Variants in RBFOX1 observed in about 807,000 individuals in gnomAD.
RBFOX1 encodes the protein RNA binding fox-1 homolog 1.
In RBFOX1, 8 loss-of-function variants were observed where a neutral mutation model predicts 57.7. The ratio of observed to expected loss-of-function variants is 0.14; its 90% CI spans 0.08 to 0.25. The LOEUF is 0.25. Ranked by LOEUF, RBFOX1 falls within the 10% of genes least tolerant of loss-of-function variation. The pLI, the probability that RBFOX1 is intolerant of heterozygous loss-of-function variation, is 1.00. For missense variants in RBFOX1, 611 were observed against 548.5 expected (o/e 1.11, Z -1.14); for synonymous variants, 326 against 222.4 (o/e 1.47, Z -4.15).
At chr16:5,492,170 C>G (rs932122345) in intron 2 of RBFOX1, among the ~76,000 whole-genome samples, 1 of 152,166 alleles carries the variant, frequency 6.6e-6, no homozygotes, top group East Asian at 1.9e-4. Flanking sequence ...GGTGCATGCT[C>G]AAAGTATAAG....
At chr16:6,653,194 C>G (rs907348895) in intron 2 of RBFOX1, among the ~76,000 whole-genome samples, 2 of 152,128 alleles carry the variant, frequency 1.3e-5, no homozygotes, top group Non-Finnish European at 2.9e-5. Context: ...TCAAAAAAAT[C>G]AACATCAACA....
intron 3 of RBFOX1, among the ~76,000 whole-genome samples, chr16:5,607,705 C>T (rs1180536113): frequency 3.9e-5 from 6 of 152,252 alleles, no homozygotes; most frequent in Middle Eastern, 3.4e-3. Context: ...TTCTCTCTGT[C>T]GACACTACCT....
chr16:6,960,379 T>C (rs951846889), intron 3 of RBFOX1, among the ~76,000 whole-genome samples: 5 of 152,128 alleles, frequency 3.3e-5, no homozygotes, highest in African/African-American at 9.7e-5. Flanking sequence ...TGGAAAACTT[T>C]CTAATTTTAA....
intron 3 of RBFOX1, among the ~76,000 whole-genome samples, chr16:6,990,031 C>G (rs962149268): frequency 3.3e-5 from 5 of 152,084 alleles, no homozygotes; most frequent in African/African-American, 4.8e-5. Flanking sequence ...TGTCTGCAAA[C>G]TACTTGAAAT....
At chr16:5,343,942 G>A (rs1056953897) in intron 1 of RBFOX1, among the ~76,000 whole-genome samples, 3 of 152,174 alleles carry the variant, frequency 2.0e-5, no homozygotes, top group Non-Finnish European at 4.4e-5. Context: ...CTTTCAGGAC[G>A]TGGTAAGAAC....
At chr16:5,810,510 G>A (rs2055383582) in intron 3 of RBFOX1, among the ~76,000 whole-genome samples, 1 of 152,148 alleles carries the variant, frequency 6.6e-6, no homozygotes, top group Non-Finnish European at 1.5e-5. Flanking sequence ...CTAATACACA[G>A]GCGATGCTCA....
intron 4 of RBFOX1, among the ~76,000 whole-genome samples, chr16:7,217,149 G>C (rs909947226): frequency 1.3e-5 from 2 of 150,284 alleles, no homozygotes; most frequent in African/African-American, 4.9e-5. Flanking sequence ...CTGTCGCTCA[G>C]GGTGGAGTGC....
At chr16:7,092,621 T>C (rs115501748) in intron 4 of RBFOX1, among the ~76,000 whole-genome samples, 244 of 152,318 alleles carry the variant, frequency 1.6e-3, no homozygotes, top group African/African-American at 4.7e-3. Context: ...ACTAATCATA[T>C]ATGTATTTGT....
intron 3 of RBFOX1, among the ~76,000 whole-genome samples, chr16:5,655,491 A>T (rs76371979): frequency 6.6e-6 from 1 of 152,278 alleles, no homozygotes; most frequent in Non-Finnish European, 1.5e-5. Flanking sequence ...AACACTGAAG[A>T]TGGGGTGTGG....
At chr16:7,221,799 C>G (rs569219707) in intron 4 of RBFOX1, among the ~76,000 whole-genome samples, 1 of 152,316 alleles carries the variant, frequency 6.6e-6, no homozygotes, top group South Asian at 2.1e-4. Flanking sequence ...CTTTTACAAG[C>G]GAGATCTAAG....
At chr16:6,943,870 C>A (rs543250252) in intron 3 of RBFOX1, among the ~76,000 whole-genome samples, 22 of 152,286 alleles carry the variant, frequency 1.4e-4, no homozygotes, top group Non-Finnish European at 2.9e-4. Flanking sequence ...CTGTACCTCA[C>A]TGCTGATTTC....
intron 1 of RBFOX1, among the ~76,000 whole-genome samples, chr16:6,257,445 CA>C (rs1358894894): frequency 4.6e-5 from 7 of 151,508 alleles, no homozygotes; most frequent in Admixed American, 4.6e-4. Flanking sequence ...CTTTTAAGTT[CA>C]GGGGCACACG....
intron 4 of RBFOX1, among the ~76,000 whole-genome samples, chr16:7,089,716 C>G (rs2060515571): frequency 1.3e-5 from 2 of 152,132 alleles, no homozygotes; most frequent in African/African-American, 4.8e-5. Flanking sequence ...GAAAAACTTG[C>G]TGATTTGTTT....
At chr16:5,756,289 C>G (rs573275290) in intron 3 of RBFOX1, among the ~76,000 whole-genome samples, 15 of 149,148 alleles carry the variant, frequency 1.0e-4, no homozygotes, top group East Asian at 9.9e-4. Context: ...TATGAAATGC[C>G]GTGGGGTTGT....
intron 1 of RBFOX1, among the ~76,000 whole-genome samples, chr16:5,346,393 CAATT>C (rs979829103): frequency 1.2e-4 from 19 of 152,006 alleles, no homozygotes; most frequent in African/African-American, 4.6e-4. Context: ...AACGAGGGAG[CAATT>C]AATTAAGAGA....
chr16:6,554,187 G>A (rs2097050432), intron 2 of RBFOX1, among the ~76,000 whole-genome samples: 1 of 152,178 alleles, frequency 6.6e-6, no homozygotes, highest in South Asian at 2.1e-4. Context: ...AGCTCTAGGG[G>A]TTTAAGAAAT....
intron 1 of RBFOX1, among the ~76,000 whole-genome samples, chr16:6,243,088 C>G (rs2097548677): frequency 6.6e-6 from 1 of 151,660 alleles, no homozygotes; most frequent in African/African-American, 2.4e-5. Context: ...ATGTAAGAGT[C>G]TTATGATATT....
intron 4 of RBFOX1, among the ~76,000 whole-genome samples, chr16:5,999,360 C>T (rs2060546738): frequency 6.6e-6 from 1 of 152,216 alleles, no homozygotes; most frequent in Non-Finnish European, 1.5e-5. Flanking sequence ...TAAATCCTTC[C>T]TTAAGTCTTC....
chr16:7,671,290 TC>T (rs1438946439), intron 13 of RBFOX1, among the ~76,000 whole-genome samples: 2 of 152,234 alleles, frequency 1.3e-5, no homozygotes, highest in Non-Finnish European at 2.9e-5. Flanking sequence ...ATTATCTTTT[TC>T]TTCTTTAGAA....
Sources: gnomAD v4.1 joint callset for allele counts (sites outside exome capture counted in the v4.1 genomes callset) on GRCh38, gnomAD v4.1.1 for gene constraint, MANE v1.5 for transcripts, NCBI Gene and HGNC (gene_info 2026-07-23, HGNC 2026-07-21) for gene names.